The following TMEM130 variants were observed in gnomAD, a reference collection of about 807,000 sequenced individuals.
TMEM130 encodes the protein transmembrane protein 130.
A neutral mutation model predicts 42.9 loss-of-function variants in TMEM130; 37 were observed. The observed-to-expected ratio is 0.86, with a 90% CI of 0.66 to 1.13. The LOEUF (loss-of-function observed/expected upper bound fraction) is 1.13, where lower values mean the gene tolerates loss of function less well. TMEM130 is among the 50% of genes most tolerant of loss of function. TMEM130 has a pLI of 0.00. For synonymous variants in TMEM130, 259 were observed against 237.7 expected, an observed-to-expected ratio of 1.09 and a Z score of -0.82; for missense variants, 545 against 562.6, an observed-to-expected ratio of 0.97 and a Z score of 0.32.
At chr7:98,868,237 A>G (rs3930638) in intron 1 of TMEM130, among the ~76,000 whole-genome samples, 2,140 of 152,144 alleles carry the variant, frequency 0.014, 36 homozygotes, top group African/African-American at 0.047. Context: ...TCAAACAAAC[A>G]AATTCATCTT....
chr7:98,848,471 G>A (rs946984626), intron 7 of TMEM130, 112 bp downstream of exon 7: 16 of 860,442 alleles, frequency 1.9e-5, no homozygotes, highest in Admixed American at 1.6e-4. Context: ...CCGGAGCCTC[G>A]CTGTAATATC....
intron 1 of TMEM130, among the ~76,000 whole-genome samples, chr7:98,865,559 G>A (rs1351219967): frequency 6.6e-6 from 1 of 152,086 alleles, no homozygotes; most frequent in Non-Finnish European, 1.5e-5. Context: ...AGTGAGCCAA[G>A]ATTGCGCCAC....
Position 98,847,933 on chromosome 7 carries a change from G to A in TMEM130, c.*123C>T. On this transcript the variant is annotated 3_prime_UTR_variant, in exon 8 of 8. Coordinates refer to ENST00000339375, the MANE Select transcript of TMEM130 (RefSeq NM_152913.3). ...CAGTGGCTGAACTGTACAGATGGAT[G>A]GATGATCCAGGCCAACAGCCCCACG... 1.1e-6 allele frequency: 1 copy of A among 920,234 alleles called. No homozygotes were observed. Among genetic ancestry groups the A allele is most frequent in the Non-Finnish European group, 1.7e-6 (1 of 596,048 alleles). The allele number at this position is 920,234 out of a possible 1,614,324, so 57.0% of individuals were successfully genotyped here.
Position 98,859,566 on chromosome 7 carries a change from G to T in TMEM130, c.551+613C>A, listed in dbSNP as rs368231574. ...TTGAAGGATGTTTGAAAGGAGACAG[G>T]GTGAGCAGGGAAAGGAGAGGAGCTT... is the stretch of plus-strand genomic sequence containing the variant. On this transcript the variant is annotated intron_variant, in intron 3 of 7. Coordinates refer to ENST00000339375, the MANE Select transcript of TMEM130 (RefSeq NM_152913.3). Among the ~76,000 whole-genome samples, 26 of 152,136 alleles carry T rather than the reference G, an allele frequency of 1.7e-4. No individual in the cohort carries two copies. In the East Asian group the frequency reaches 1.7e-3, roughly 10 times the overall value.
rs1246870522 is a variant in TMEM130, at chr7:98,869,519, A to G, written c.85+258T>C. Among the ~76,000 whole-genome samples, 1 of 152,184 alleles carries G rather than the reference A, an allele frequency of 6.6e-6. No homozygotes were observed. The highest frequency in any genetic ancestry group is 1.5e-5 in the Non-Finnish European group (1 of 68,020). ...GCCACCCCCGCGCGGTTTCCAGGGCAGGGCCAGCCTGGGGGGGTGGAAGCA... is the reference window on the plus strand; with the variant it reads ...GCCACCCCCGCGCGGTTTCCAGGGCGGGGCCAGCCTGGGGGGGTGGAAGCA... On this transcript the variant is annotated intron_variant, in intron 1 of 7. Transcript: ENST00000339375. This position sits in a 1 kb window ranked among gnomAD's most constrained non-coding sequence, Gnocchi z 4.7.
At chr7:98,848,337 A>G in intron 7 of TMEM130, 129 bp from the exon 8 acceptor site, 1 of 1,095,030 alleles carries the variant, frequency 9.1e-7, no homozygotes, top group Non-Finnish European at 1.3e-6. Flanking sequence ...GGCAGAGTGC[A>G]CAGAAACACC....
intron 5 of TMEM130, among the ~76,000 whole-genome samples, chr7:98,854,689 A>G (rs1238065575): frequency 6.6e-6 from 1 of 152,218 alleles, no homozygotes; most frequent in Non-Finnish European, 1.5e-5. Flanking sequence ...TTGAGCTGTG[A>G]TGGTGCCACT....
intron 3 of TMEM130, 97 bp downstream of exon 3, chr7:98,860,082 A>AT (rs1227693252): frequency 8.3e-7 from 1 of 1,206,324 alleles, no homozygotes; most frequent in African/African-American, 1.6e-5. Flanking sequence ...AAAAAAAAAA[A>AT]AATTAAAGGT....
At chr7:98,853,735 G>A (rs7792235) in intron 5 of TMEM130, among the ~76,000 whole-genome samples, 127,994 of 152,246 alleles carry the variant, frequency 0.84, 53,955 homozygotes, top group South Asian at 0.88. Context: ...GAATGCACTC[G>A]GCATCTGTGT....
At position 98,847,725 on chromosome 7, in the gene TMEM130, TG is replaced by T. The variant is rs1287338303; in HGVS notation, c.*330del. On this transcript the variant is annotated 3_prime_UTR_variant, in exon 8 of 8. Transcript: ENST00000339375. Reference sequence around the variant, plus strand: ...GTGCCAATATGAGAGGAATGGGCAGTGGGCAGCCAGGCCCACCTGGGAGTCA... The same window carrying T: ...GTGCCAATATGAGAGGAATGGGCAGTGGCAGCCAGGCCCACCTGGGAGTCA... 2.8e-5 allele frequency: 6 copies of T among 214,908 alleles called. No individual in the cohort carries two copies. The highest frequency in any genetic ancestry group is 1.4e-4 in the African/African-American group (6 of 43,842). 13.3% of individuals were successfully genotyped at this position (214,908 alleles called of 1,614,324 possible).
chr7:98,855,166 A>T lies in TMEM130; in HGVS notation c.803+74T>A. On this transcript the variant is annotated intron_variant, in intron 5 of 7. Transcript: ENST00000339375. ...CCTGAGGCCTGTCACAGAGCAGAAC[A>T]GACTTGGGGTCATCGTGAAGGGGGA... The T allele has an allele frequency of 2.2e-6, 3 of 1,362,814 alleles. No individual in the cohort carries two copies. The South Asian group carries it at 4.1e-5, about 19-fold the overall frequency. 84.4% of individuals were successfully genotyped at this position (1,362,814 alleles called of 1,614,324 possible). A position where few individuals can be genotyped will look rare whatever the true frequency, so the allele number is the denominator to read the frequency against.
rs1794976795 is a variant in TMEM130, at chr7:98,869,380, T to C, written c.85+397A>G. 8.4e-7 allele frequency: 1 copy of C among 1,193,692 alleles called. No individual in the cohort carries two copies. Among genetic ancestry groups the C allele is most frequent in the Non-Finnish European group, 1.1e-6 (1 of 950,100 alleles). 73.9% of individuals were successfully genotyped at this position (1,193,692 alleles called of 1,614,324 possible). A position where few individuals can be genotyped will look rare whatever the true frequency, so the allele number is the denominator to read the frequency against. On this transcript the variant is annotated intron_variant, in intron 1 of 7. Transcript: ENST00000339375. The surrounding 1 kb of genome is among the most constrained non-coding windows in gnomAD (Gnocchi z 4.7). The stretch of plus-strand genomic sequence containing the variant: ...AAAACGTTGCCCATCCCGTGCTCCC[T>C]GGGGGACTGGGGAATTGTGGCGCGA...
chr7:98,856,858 C>A (rs2116094029), intron 3 of TMEM130, among the ~76,000 whole-genome samples: 1 of 152,266 alleles, frequency 6.6e-6, no homozygotes, highest in Middle Eastern at 3.4e-3. Flanking sequence ...GTCTTTCCTG[C>A]AAATTGTCTG....
At chr7:98,848,522 C>T in intron 7 of TMEM130, 61 bp downstream of exon 7, 1 of 1,232,256 alleles carries the variant, frequency 8.1e-7, no homozygotes, top group South Asian at 1.2e-5. Context: ...CCCATACCCT[C>T]TCTAAACATC....
rs782420999 is a variant in TMEM130 at position 98,860,177 on chromosome 7, A to C, written c.551+2T>G. 14 of 1,610,906 alleles carry C rather than the reference A, an allele frequency of 8.7e-6. No homozygotes were observed. Among genetic ancestry groups the C allele is most frequent in the Non-Finnish European group, 8.5e-6 (10 of 1,178,228 alleles). ...AGGGCCTGCAGAGGGGTAAGGACCT[A>C]CCCGTCCCCGAAGTCCCAGCTGTAG... On this transcript the variant is annotated splice_donor_variant, in intron 3 of 7. Coordinates refer to ENST00000339375, the MANE Select transcript of TMEM130 (RefSeq NM_152913.3). LOFTEE classifies it high-confidence loss of function.
chr7:98,863,079 T>C lies in TMEM130; in HGVS notation c.391+16A>G. 1 of 1,599,230 alleles carries C rather than the reference T, an allele frequency of 6.3e-7. No individual in the cohort carries two copies. The highest frequency in any genetic ancestry group is 1.1e-5 in the South Asian group (1 of 90,082). The stretch of plus-strand genomic sequence containing the variant: ...AAGGGTTTGAAGGCAAACTAGCAAA[T>C]GGGAGCGACCCTCACCTGTGATGGG... On this transcript the variant is annotated intron_variant, in intron 2 of 7. Transcript: ENST00000339375.
chr7:98,847,486 ACG>A lies in TMEM130; in HGVS notation c.*568_*569del, dbSNP rs1487551028. 5 of 135,782 alleles carry A rather than the reference ACG, an allele frequency of 3.7e-5. No individual in the cohort carries two copies. The East Asian group carries it at 1.1e-3, about 30-fold the overall frequency. 8.4% of individuals were successfully genotyped at this position (135,782 alleles called of 1,614,324 possible). ...GCTGATCATCTGAAATGCCCATGTG[ACG>A]CATGTGTTTATATTTCTGTGTGTGT... On this transcript the variant is annotated 3_prime_UTR_variant, in exon 8 of 8. Transcript: ENST00000339375.
intron 2 of TMEM130, among the ~76,000 whole-genome samples, chr7:98,862,244 C>G (rs1344395905): frequency 2.0e-5 from 3 of 149,852 alleles, no homozygotes; most frequent in African/African-American, 4.9e-5. Flanking sequence ...GAGAGAGAGA[C>G]AAAGAGACAT....
chr7:98,857,121 T>C (rs2116095299), intron 3 of TMEM130, among the ~76,000 whole-genome samples: 1 of 152,088 alleles, frequency 6.6e-6, no homozygotes, highest in African/African-American at 2.4e-5. Context: ...GAGGTATCAC[T>C]ATGTTACCCA....
Sources: gnomAD v4.1 joint callset for allele counts (sites outside exome capture counted in the v4.1 genomes callset) on GRCh38, gnomAD v4.1.1 for gene constraint, Gnocchi (gnomAD v3.1) non-coding constraint, MANE v1.5 for transcripts, NCBI Gene and HGNC (gene_info 2026-07-23, HGNC 2026-07-21) for gene names.